SYTL5: variants seen among roughly 807,000 people sequenced by gnomAD.
SYTL5 encodes synaptotagmin like 5, also known as synaptotagmin-like protein 5.
SYTL5 carries 34 observed loss-of-function variants against 55.9 expected under a neutral mutation model. That is an observed-to-expected ratio of 0.61 (90% CI 0.46 to 0.81). The LOEUF (loss-of-function observed/expected upper bound fraction) is 0.81, where lower values mean the gene tolerates loss of function less well. Ranked by LOEUF, SYTL5 falls within the 30% of genes least tolerant of loss-of-function variation. The probability of loss-of-function intolerance (pLI) is 0.00; values close to 1 mark genes in which losing one functional copy is unlikely to be tolerated. For synonymous variants in SYTL5, 221 were observed against 188.7 expected (o/e 1.17, Z -1.40); for missense variants, 637 against 546.7 (o/e 1.17, Z -1.65).
the SYTL5 span, among the ~76,000 whole-genome samples, chrX:37,911,038 TCA>T: frequency 9.9e-6 from 1 of 100,691 alleles, no homozygotes; most frequent in African/African-American, 3.9e-5. Flanking sequence ...CCATCTCAGC[TCA>T]CTACAACCTC....
the SYTL5 span, among the ~76,000 whole-genome samples, chrX:37,944,316 TG>T: frequency 9.0e-6 from 1 of 111,360 alleles, no homozygotes; most frequent in Non-Finnish European, 1.9e-5. Flanking sequence ...GAAAAGAGTC[TG>T]GGGGCATTTT....
intron 7 of SYTL5, among the ~76,000 whole-genome samples, chrX:38,090,378 A>G (rs935280291): frequency 8.9e-6 from 1 of 112,057 alleles, no homozygotes; most frequent in East Asian, 2.8e-4. Context: ...TGCATTTTAT[A>G]TTTATATGTG....
At chrX:37,945,597 C>T in the SYTL5 span, among the ~76,000 whole-genome samples, 4 of 111,562 alleles carry the variant, frequency 3.6e-5, no homozygotes, top group African/African-American at 9.8e-5. Context: ...ACTCAATGAA[C>T]TTAGAGCGTG....
At chrX:38,106,345 A>C (rs972565685) in intron 10 of SYTL5, among the ~76,000 whole-genome samples, 1 of 111,926 alleles carries the variant, frequency 8.9e-6, no homozygotes, top group Non-Finnish European at 1.9e-5. Flanking sequence ...CTCTAACCCA[A>C]GAAGGAAATG....
upstream of SYTL5, among the ~76,000 whole-genome samples, chrX:38,006,141 T>C (rs1248436258): frequency 9.0e-6 from 1 of 111,730 alleles, no homozygotes; most frequent in East Asian, 2.8e-4. Flanking sequence ...CTTAGTTTGT[T>C]CATTTGTAAT....
chrX:37,927,339 G>A, the SYTL5 span, among the ~76,000 whole-genome samples: 9 of 111,610 alleles, frequency 8.1e-5, no homozygotes, highest in Non-Finnish European at 1.7e-4. Context: ...AGAGTTTAAT[G>A]TAAGATTACC....
At chrX:38,029,338 T>C (rs1934881231) in intron 1 of SYTL5, among the ~76,000 whole-genome samples, 1 of 112,544 alleles carries the variant, frequency 8.9e-6, no homozygotes, top group Non-Finnish European at 1.9e-5. Context: ...TGACTTCTTA[T>C]AATATTTTAC....
At chrX:38,003,653 A>G (rs1174193528), upstream of SYTL5, among the ~76,000 whole-genome samples, 2 of 111,897 alleles carry the variant, frequency 1.8e-5, no homozygotes, top group Non-Finnish European at 3.8e-5. Flanking sequence ...CATATTGCCC[A>G]AGGTAATTTA....
chrX:38,020,666 G>C (rs980345342), intron 1 of SYTL5, among the ~76,000 whole-genome samples: 5 of 108,688 alleles, frequency 4.6e-5, no homozygotes, highest in African/African-American at 1.7e-4. Flanking sequence ...GAGACCTCTG[G>C]GTATTTTGTG....
chrX:37,967,819 T>C, the SYTL5 span, among the ~76,000 whole-genome samples: 1 of 109,371 alleles, frequency 9.1e-6, no homozygotes, highest in Non-Finnish European at 1.9e-5. Context: ...TGATCCTTTG[T>C]CACGCTCCTG....
the SYTL5 span, among the ~76,000 whole-genome samples, chrX:37,911,777 T>C: frequency 9.0e-6 from 1 of 111,363 alleles, no homozygotes; most frequent in Non-Finnish European, 1.9e-5. Context: ...GATATATATA[T>C]ATGTGCTATA....
rs984479899 is a variant in SYTL5, at chrX:38,115,330, A to G, written c.1596+4848A>G. 2.7e-4 allele frequency among the ~76,000 whole-genome samples: 28 copies of G among 103,482 alleles called. 1 individual carries two copies. Among genetic ancestry groups the G allele is most frequent in the Admixed American group, 2.5e-3 (24 of 9,736 alleles). 89.9% of individuals were successfully genotyped at this position (103,482 alleles called of 115,157 possible). On this transcript the variant is annotated intron_variant, in intron 13 of 16. Coordinates refer to ENST00000297875, the MANE Select transcript of SYTL5 (RefSeq NM_138780.3). ...AAACCCCGTCTCTACTAAAAATACA[A>G]AAAATTAGCCGGGCGTGGTAGCGGG...
chrX:38,040,127 T>C (rs1363691465), intron 2 of SYTL5, among the ~76,000 whole-genome samples: 29 of 108,162 alleles, frequency 2.7e-4, no homozygotes, highest in Admixed American at 5.9e-4. Context: ...TGAGCCGAGG[T>C]CGCACCACTG....
chrX:38,112,308 A>G (rs1472906342), intron 13 of SYTL5, among the ~76,000 whole-genome samples: 1 of 111,473 alleles, frequency 9.0e-6, no homozygotes, highest in African/African-American at 3.3e-5. Flanking sequence ...TCAATAACTG[A>G]TAGGTGGGGG....
At chrX:37,947,854 G>T in the SYTL5 span, among the ~76,000 whole-genome samples, 1 of 111,495 alleles carries the variant, frequency 9.0e-6, no homozygotes, top group Non-Finnish European at 1.9e-5. Context: ...ATTTTTGTGA[G>T]ATTAAATAAG....
At chrX:38,060,828 A>C (rs61567406) in intron 3 of SYTL5, among the ~76,000 whole-genome samples, 5,637 of 112,187 alleles carry the variant, frequency 0.05, 121 homozygotes, top group Middle Eastern at 0.088. Flanking sequence ...TCCTTGGGAC[A>C]TGTTAATGCA....
At chrX:37,951,390 G>GT in the SYTL5 span, among the ~76,000 whole-genome samples, 3 of 111,134 alleles carry the variant, frequency 2.7e-5, no homozygotes, top group Admixed American at 9.6e-5. Context: ...TGTTTTATGA[G>GT]TTTTTTTAAA....
At chrX:37,941,628 G>C in the SYTL5 span, among the ~76,000 whole-genome samples, 12 of 111,463 alleles carry the variant, frequency 1.1e-4, no homozygotes. Flanking sequence ...ATGACTGATG[G>C]GAAGTTGATG....
rs774013790 is a variant in SYTL5, at chrX:38,072,036, C to T, written c.330-11C>T. 8.7e-7 allele frequency: 1 copy of T among 1,153,429 alleles called. No homozygotes were observed. Among genetic ancestry groups the T allele is most frequent in the African/African-American group, 1.8e-5 (1 of 56,061 alleles). ...TTGAATTTCAATGCTCTTCCCTTTTCCCTTGAGTAGGCAGCTAAGGATTAT... is the reference window on the plus strand; with the variant it reads ...TTGAATTTCAATGCTCTTCCCTTTTTCCTTGAGTAGGCAGCTAAGGATTAT... On this transcript the variant is annotated splice_polypyrimidine_tract_variant and intron_variant, in intron 3 of 16. Transcript: ENST00000297875.
Sources: gnomAD v4.1 joint callset for allele counts (sites outside exome capture counted in the v4.1 genomes callset) on GRCh38, gnomAD v4.1.1 for gene constraint, MANE v1.5 for transcripts, NCBI Gene and HGNC (gene_info 2026-07-23, HGNC 2026-07-21) for gene names.